ADAMTS19: variants seen among roughly 807,000 people sequenced by gnomAD.
ADAMTS19 encodes ADAM metallopeptidase with thrombospondin type 1 motif 19, also known as A disintegrin and metalloproteinase with thrombospondin motifs 19.
ADAMTS19 carries 93 observed loss-of-function variants against 153.3 expected under a neutral mutation model. The observed-to-expected ratio is 0.61, with a 90% CI of 0.51 to 0.72. The LOEUF is 0.72. Ranked by LOEUF, ADAMTS19 falls within the 30% of genes least tolerant of loss-of-function variation. The probability of loss-of-function intolerance (pLI) is 0.00; values close to 1 mark genes in which losing one functional copy is unlikely to be tolerated. For missense variants in ADAMTS19, 1,482 were observed against 1,552.1 expected (o/e 0.95, Z 0.76); for synonymous variants, 600 against 556.6 (o/e 1.08, Z -1.10).
chr5:129,527,801 G>T lies in ADAMTS19; in HGVS notation c.1140G>T (p.Val380=). 1 of 1,601,518 alleles carries T rather than the reference G, an allele frequency of 6.2e-7. No homozygotes were observed. Among genetic ancestry groups the T allele is most frequent in the South Asian group, 1.1e-5 (1 of 89,952 alleles). ...KSLSVQVNLR[V]IKLILLHETP... ...TGAGTGTGCAGGTCAATCTTCGTGT[G>T]ATAAAGCTTATTCTGCTCCATGAAA... is the stretch of plus-strand genomic sequence containing the variant. The change falls in exon 5 of 23, where the codon GTG becomes GTT. Residue 380 remains valine, a synonymous_variant. Coordinates refer to ENST00000274487, the MANE Select transcript of ADAMTS19 (RefSeq NM_133638.6).
chr5:129,687,106 C>T (rs1755129841), intron 18 of ADAMTS19, among the ~76,000 whole-genome samples: 1 of 152,074 alleles, frequency 6.6e-6, no homozygotes, highest in Non-Finnish European at 1.5e-5. Flanking sequence ...AACAAAGGCA[C>T]AAAATAGAAG....
intron 20 of ADAMTS19, 137 bp downstream of exon 20, chr5:129,701,729 G>T: frequency 1.1e-6 from 1 of 898,296 alleles, no homozygotes; most frequent in Non-Finnish European, 1.6e-6. Flanking sequence ...GATGATTAAA[G>T]GAATACATTC....
chr5:129,485,653 A>C (rs560994629), intron 2 of ADAMTS19, among the ~76,000 whole-genome samples: 2 of 152,320 alleles, frequency 1.3e-5, no homozygotes, highest in South Asian at 4.1e-4. Context: ...AACAATAATA[A>C]GTAAATATTT....
chr5:129,523,819 A>G (rs1163930109), intron 3 of ADAMTS19, among the ~76,000 whole-genome samples: 6 of 152,100 alleles, frequency 3.9e-5, no homozygotes, highest in Middle Eastern at 3.4e-3. Flanking sequence ...GAGAGGACAC[A>G]AACAAATGAG....
At chr5:129,604,649 T>A (rs1483468004) in intron 8 of ADAMTS19, among the ~76,000 whole-genome samples, 1 of 152,196 alleles carries the variant, frequency 6.6e-6, no homozygotes, top group Non-Finnish European at 1.5e-5. Context: ...AACATAGTAA[T>A]CTTAGTAAAG....
chr5:129,598,936 G>T (rs1187004923), intron 8 of ADAMTS19, among the ~76,000 whole-genome samples: 1 of 152,038 alleles, frequency 6.6e-6, no homozygotes, highest in Non-Finnish European at 1.5e-5. Context: ...CTGCAATTTT[G>T]ATCCTTGTTT....
intron 7 of ADAMTS19, among the ~76,000 whole-genome samples, chr5:129,590,938 A>G (rs751126517): frequency 3.5e-4 from 53 of 152,358 alleles, no homozygotes; most frequent in Middle Eastern, 3.4e-3. Flanking sequence ...TCACCTGTGC[A>G]GTTCCTTTAA....
intron 7 of ADAMTS19, among the ~76,000 whole-genome samples, chr5:129,555,038 C>G (rs1254823307): frequency 6.6e-6 from 1 of 152,084 alleles, no homozygotes; most frequent in African/African-American, 2.4e-5. Context: ...TTGACAGATG[C>G]TTTTAAGTCA....
At chr5:129,628,064 G>A (rs879306826) in intron 10 of ADAMTS19, among the ~76,000 whole-genome samples, 2 of 151,992 alleles carry the variant, frequency 1.3e-5, no homozygotes, top group Admixed American at 1.3e-4. Context: ...ATGCCCAGTA[G>A]TGACAGTTTG....
chr5:129,695,228 G>T (rs1023226906), intron 19 of ADAMTS19, among the ~76,000 whole-genome samples: 7 of 151,980 alleles, frequency 4.6e-5, no homozygotes, highest in African/African-American at 1.7e-4. Flanking sequence ...AACCAAACTG[G>T]GACTGCCATG....
At chr5:129,511,790 T>G (rs1313716782) in intron 3 of ADAMTS19, among the ~76,000 whole-genome samples, 7 of 151,906 alleles carry the variant, frequency 4.6e-5, no homozygotes, top group Non-Finnish European at 2.9e-5. Context: ...GGAAGTTTAC[T>G]TTCTCTCTCA....
At position 129,691,430 on chromosome 5, in the gene ADAMTS19, T is replaced by C. The variant is rs565533216; in HGVS notation, c.2819-3290T>C. 4.3e-3 allele frequency among the ~76,000 whole-genome samples: 655 copies of C among 152,278 alleles called. 1 individual carries two copies. The highest frequency in any genetic ancestry group is 6.8e-3 in the Non-Finnish European group (463 of 68,014). ...TATTTCATCACTTTCTGTTTGTCCC[T>C]ATGTGCCACAGTATTGGATGCATTG... is the stretch of plus-strand genomic sequence containing the variant. On this transcript the variant is annotated intron_variant, in intron 18 of 22. Coordinates refer to ENST00000274487, the MANE Select transcript of ADAMTS19 (RefSeq NM_133638.6).
At chr5:129,727,676 T>C (rs1385130062) in intron 21 of ADAMTS19, among the ~76,000 whole-genome samples, 2 of 152,172 alleles carry the variant, frequency 1.3e-5, no homozygotes, top group Non-Finnish European at 2.9e-5. Context: ...AGCCTCTACT[T>C]TCTCCTCTGT....
In ADAMTS19 at chr5:129,694,846, G is replaced by A. The variant is rs760660359; in HGVS notation, c.2945G>A (p.Cys982Tyr). Residue 982 changes from cysteine (C) to tyrosine (Y), a missense_variant, in exon 19 of 23, where the codon TGT becomes TAT. Cys to Tyr is a radical substitution (Grantham distance 194). Around this residue, in one of 2 missense-constraint regions of ADAMTS19, gnomAD observed 616 missense variants for 724.4 expected, o/e 0.85. Transcript: ENST00000274487. Reference sequence around the variant, plus strand: ...ATTCGAAAGTGCAATGAGCAACCATGTCAAACAAGGTAACTCTATTCCAAG... The same window carrying A: ...ATTCGAAAGTGCAATGAGCAACCATATCAAACAAGGTAACTCTATTCCAAG... Reference protein sequence around the residue: ...PQIRKCNEQPCQTRWMMTEWT... With the variant: ...PQIRKCNEQPYQTRWMMTEWT... The A allele has an allele frequency of 6.3e-7, 1 of 1,586,814 alleles. No homozygotes were observed.
intron 16 of ADAMTS19, 140 bp downstream of exon 16, chr5:129,665,719 T>C (rs1294643669): frequency 4.9e-6 from 3 of 609,880 alleles, no homozygotes; most frequent in South Asian, 4.3e-5. Context: ...TCATATCAAG[T>C]AGGAAAATTT....
At chr5:129,683,689 T>A (rs573695220) in intron 17 of ADAMTS19, among the ~76,000 whole-genome samples, 1 of 151,916 alleles carries the variant, frequency 6.6e-6, no homozygotes, top group Admixed American at 6.6e-5. Context: ...TTTCTCTACA[T>A]TTGGCATTAG....
intron 18 of ADAMTS19, among the ~76,000 whole-genome samples, chr5:129,690,635 CAT>C (rs971695144): frequency 4.6e-5 from 7 of 151,990 alleles, no homozygotes; most frequent in African/African-American, 1.7e-4. Flanking sequence ...AATGGCATGA[CAT>C]GATTTTGAAA....
chr5:129,702,559 A>G (rs1195597112), intron 20 of ADAMTS19, among the ~76,000 whole-genome samples: 1 of 152,158 alleles, frequency 6.6e-6, no homozygotes. Flanking sequence ...CAAAAAGCAT[A>G]TTCACAAAAA....
chr5:129,537,972 A>T (rs1446939444), intron 6 of ADAMTS19, among the ~76,000 whole-genome samples: 1 of 152,074 alleles, frequency 6.6e-6, no homozygotes, highest in Non-Finnish European at 1.5e-5. Flanking sequence ...AGAGTAGTAA[A>T]TTGAAGTTGG....
Sources: allele counts gnomAD v4.1 joint callset (sites outside exome capture counted in the v4.1 genomes callset), GRCh38; gene constraint gnomAD v4.1.1; regional missense constraint gnomAD v4.1.1; transcripts MANE v1.5; gene names NCBI Gene and HGNC (gene_info 2026-07-23, HGNC 2026-07-21).